The following TNR variants were observed in gnomAD, a reference collection of about 807,000 sequenced individuals.
TNR encodes the protein tenascin R, also known as tenascin-R.
Under a neutral mutation model 150.4 loss-of-function variants are expected in TNR, and 45 were observed. The observed-to-expected ratio is 0.30, with a 90% CI of 0.24 to 0.38. TNR has a LOEUF of 0.38. TNR is among the 10% of genes least tolerant of loss of function. TNR has a pLI of 1.00. For synonymous variants in TNR, 687 were observed against 678.4 expected (o/e 1.01, Z -0.20); for missense variants, 1,544 against 1,759.1 (o/e 0.88, Z 2.19).
rs1391096359 is a variant in TNR, at chr1:175,324,591, C to T, written c.3794-72G>A. ...TATCAGGATTTTCTGGACACTTGACCCACTTCCAGCAAACCTGGCTTCCAC... is the reference window on the plus strand; with the variant it reads ...TATCAGGATTTTCTGGACACTTGACTCACTTCCAGCAAACCTGGCTTCCAC... On this transcript the variant is annotated intron_variant, in intron 21 of 22. Coordinates refer to ENST00000367674, the MANE Select transcript of TNR (RefSeq NM_003285.3). The T allele has an allele frequency of 2.6e-6, 4 of 1,537,222 alleles. No individual in the cohort carries two copies. In the African/African-American group the frequency reaches 4.1e-5, roughly 16 times the overall value.
rs55795922 is a variant in TNR at position 175,370,338 on chromosome 1, C to CTTTTTT, written c.1964-3047_1964-3042dup. On this transcript the variant is annotated intron_variant, in intron 9 of 22. Transcript: ENST00000367674. ...GAGAACTATTCCTGGATTTTGAGTA[C>CTTTTTT]TTTTTTTTTTTTTTTTTTTTTTTTT... is the stretch of plus-strand genomic sequence containing the variant. Among the ~76,000 whole-genome samples the CTTTTTT allele has an allele frequency of 8.7e-3, 374 of 42,986 alleles. 29 individuals carry two copies. The highest frequency in any genetic ancestry group is 0.03 in the African/African-American group (349 of 11,816). The allele number at this position is 42,986 out of a possible 152,430, so 28.2% of individuals were successfully genotyped here.
At chr1:175,350,674 G>A (rs1045013423) in intron 18 of TNR, among the ~76,000 whole-genome samples, 5 of 152,184 alleles carry the variant, frequency 3.3e-5, no homozygotes, top group African/African-American at 9.7e-5. Flanking sequence ...ACACAACAAG[G>A]GAAGACATCT....
rs1035595618 is a variant in TNR at position 175,606,749 on chromosome 1, C to T, written c.-164-78380G>A. 1.7e-4 allele frequency among the ~76,000 whole-genome samples: 26 copies of T among 152,282 alleles called. No individual in the cohort carries two copies. In the East Asian group the frequency reaches 2.7e-3, roughly 16 times the overall value. On this transcript the variant is annotated intron_variant, in intron 1 of 22. Coordinates refer to ENST00000367674, the MANE Select transcript of TNR (RefSeq NM_003285.3). ...GCCCAGTTATCCTCTGAGGATAGCC[C>T]TCGACCACTGGAGCAGCTTGGGGTT...
At chr1:175,626,008 T>A (rs1664143551) in intron 1 of TNR, among the ~76,000 whole-genome samples, 1 of 152,152 alleles carries the variant, frequency 6.6e-6, no homozygotes, top group Admixed American at 6.5e-5. Context: ...GTCTTTCCTG[T>A]GCTATTCTCA....
chr1:175,378,945 C>T (rs138689371), intron 9 of TNR, among the ~76,000 whole-genome samples: 3,925 of 152,224 alleles, frequency 0.026, 158 homozygotes, highest in African/African-American at 0.089. Context: ...TTTGAGAAGC[C>T]GAGGTGGGCG....
At chr1:175,450,355 T>C (rs960519381) in intron 2 of TNR, among the ~76,000 whole-genome samples, 1 of 152,240 alleles carries the variant, frequency 6.6e-6, no homozygotes, top group Admixed American at 6.5e-5. Flanking sequence ...AACTGTCAGC[T>C]GATCTTAACC....
At chr1:175,414,707 C>A (rs911194918) in intron 2 of TNR, among the ~76,000 whole-genome samples, 1 of 152,134 alleles carries the variant, frequency 6.6e-6, no homozygotes, top group African/African-American at 2.4e-5. Flanking sequence ...ACTTGGGTCA[C>A]CCAGGTTGGC....
rs1557859829 is a variant in TNR, at chr1:175,319,949, T to G, written c.*3408A>C. On this transcript the variant is annotated 3_prime_UTR_variant, in exon 23 of 23. Transcript: ENST00000367674. ...CCCCTTCACCTTCCAGAAATAACCC[T>G]GGTGAATGTGCATCTGATATGTTGG... 1 of 152,232 alleles carries G rather than the reference T, an allele frequency of 6.6e-6. No individual in the cohort carries two copies. Among genetic ancestry groups the G allele is most frequent in the Non-Finnish European group, 1.5e-5 (1 of 68,050 alleles). The allele number at this position is 152,232 out of a possible 1,614,324, so 9.4% of individuals were successfully genotyped here.
At chr1:175,688,393 C>G (rs1205577211) in intron 1 of TNR, among the ~76,000 whole-genome samples, 1 of 152,180 alleles carries the variant, frequency 6.6e-6, no homozygotes, top group Non-Finnish European at 1.5e-5. Flanking sequence ...GCTTGCTATT[C>G]CGTTTTGTTG....
intron 1 of TNR, among the ~76,000 whole-genome samples, chr1:175,713,416 G>T (rs569398070): frequency 6.6e-6 from 1 of 152,132 alleles, no homozygotes; most frequent in Admixed American, 6.5e-5. Flanking sequence ...AACATTGTGG[G>T]TTGAATAAGC....
intron 2 of TNR, among the ~76,000 whole-genome samples, chr1:175,421,409 C>T (rs1654752808): frequency 6.6e-6 from 1 of 152,132 alleles, no homozygotes; most frequent in South Asian, 2.1e-4. Context: ...TCCCCTGCTC[C>T]CCTGCTGAGC....
rs1653795588 is a variant in TNR at position 175,403,200 on chromosome 1, G to T, written c.916C>A (p.Gln306Lys). 1 of 1,613,948 alleles carries T rather than the reference G, an allele frequency of 6.2e-7. No individual in the cohort carries two copies. Among genetic ancestry groups the T allele is most frequent in the Non-Finnish European group, 8.5e-7 (1 of 1,179,974 alleles). The change falls in exon 4 of 23, where the codon CAA (glutamine) becomes AAA (lysine). Residue 306 changes from glutamine (Q) to lysine (K), a missense_variant. Around this residue, in one of 2 missense-constraint regions of TNR, gnomAD observed 1,254 missense variants for 1,329.4 expected, o/e 0.94. Transcript: ENST00000367674. Reference protein sequence around the residue: ...QCLNACSGRGQCEEGLCVCEE... With the variant: ...QCLNACSGRGKCEEGLCVCEE... The stretch of plus-strand genomic sequence containing the variant: ...CAGACGCAGAGCCCCTCCTCACATT[G>T]TCCTCGCCCACTGCAGGCATTCAGA...
chr1:175,569,123 A>G (rs16848673), intron 1 of TNR, among the ~76,000 whole-genome samples: 7,105 of 152,246 alleles, frequency 0.047, 566 homozygotes, highest in African/African-American at 0.16. Flanking sequence ...CCTCTAGGAG[A>G]TGGCAAAACG....
rs574298004 is a variant in TNR at position 175,570,925 on chromosome 1, CCTT to C, written c.-164-42559_-164-42557del. On this transcript the variant is annotated intron_variant, in intron 1 of 22. Transcript: ENST00000367674. Reference sequence around the variant, plus strand: ...GGTTTTTTCATTGGAGGCTACTCCTCCTTCTCTCACCCAATAGGACCCAGAGAT... The same window carrying C: ...GGTTTTTTCATTGGAGGCTACTCCTCCTCTCACCCAATAGGACCCAGAGAT... Among the ~76,000 whole-genome samples, 244 of 152,298 alleles carry C rather than the reference CCTT, an allele frequency of 1.6e-3. 1 individual carries two copies. Among genetic ancestry groups the C allele is most frequent in the Admixed American group, 4.2e-3 (65 of 15,300 alleles).
At chr1:175,391,089 G>A (rs1478987462) in intron 7 of TNR, among the ~76,000 whole-genome samples, 199 bp downstream of exon 7, 1 of 152,188 alleles carries the variant, frequency 6.6e-6, no homozygotes, top group Non-Finnish European at 1.5e-5. Flanking sequence ...CCAGATGACA[G>A]TATTTGTAAG....
At chr1:175,731,775 G>C (rs1667647347) in intron 1 of TNR, among the ~76,000 whole-genome samples, 2 of 152,186 alleles carry the variant, frequency 1.3e-5, no homozygotes, top group African/African-American at 4.8e-5. Context: ...ACCCAGAGCT[G>C]TGATGTGCCT....
intron 1 of TNR, among the ~76,000 whole-genome samples, chr1:175,705,588 T>A (rs1199707247): frequency 6.6e-6 from 1 of 152,050 alleles, no homozygotes; most frequent in Non-Finnish European, 1.5e-5. Context: ...CCTATGTATG[T>A]GTGTATGTGT....
At chr1:175,647,400 A>G (rs1416384636) in intron 1 of TNR, among the ~76,000 whole-genome samples, 1 of 150,048 alleles carries the variant, frequency 6.7e-6, no homozygotes, top group Admixed American at 6.6e-5. Context: ...TTTCTTTGTT[A>G]TAGTATTTGA....
At chr1:175,404,848 G>A (rs1467538003) in intron 3 of TNR, among the ~76,000 whole-genome samples, 1 of 152,202 alleles carries the variant, frequency 6.6e-6, no homozygotes, top group Non-Finnish European at 1.5e-5. Context: ...AAGCACAGGA[G>A]AACTGGACTT....
Sources: allele counts gnomAD v4.1 joint callset (sites outside exome capture counted in the v4.1 genomes callset), GRCh38; gene constraint gnomAD v4.1.1; regional missense constraint gnomAD v4.1.1; transcripts MANE v1.5; gene names NCBI Gene and HGNC (gene_info 2026-07-23, HGNC 2026-07-21).